Variants in EFHC1 observed in about 807,000 individuals in gnomAD.
EFHC1 encodes EF-hand domain-containing protein 1.
EFHC1 carries 53 observed loss-of-function variants against 69.9 expected under a neutral mutation model. The observed-to-expected ratio is 0.76, with a 90% confidence interval of 0.61 to 0.95. The LOEUF (loss-of-function observed/expected upper bound fraction) is 0.95. Among genes scored for constraint, EFHC1 ranks in the 40% least tolerant of loss-of-function variants. The pLI is 0.00. For synonymous variants in EFHC1, 256 were observed against 278.4 expected (o/e 0.92, Z 0.80); for missense variants, 739 against 798.7 (o/e 0.93, Z 0.90).
At chr6:52,464,725 G>A (rs907383712) in intron 5 of EFHC1, among the ~76,000 whole-genome samples, 170 bp from the exon 6 acceptor site, 4 of 152,190 alleles carry the variant, frequency 2.6e-5, no homozygotes, top group African/African-American at 7.2e-5. Flanking sequence ...TCAACAGATG[G>A]AAATACACAG....
In EFHC1 at chr6:52,421,733, T is replaced by C. The variant is rs1209776582; in HGVS notation, c.63+1260T>C. 2.0e-5 allele frequency among the ~76,000 whole-genome samples: 3 copies of C among 152,260 alleles called. No homozygotes were observed. The South Asian group carries it at 6.2e-4, about 31-fold the overall frequency. ...TATTCTGAATCTCTGTAATTATCCC[T>C]GCATTAAGACACAACATCATAGATT... On this transcript the variant is annotated intron_variant, in intron 1 of 10. Transcript: ENST00000371068.
chr6:52,452,519 T>A (rs915122254), intron 3 of EFHC1, among the ~76,000 whole-genome samples, 169 bp from the exon 4 acceptor site: 2 of 152,158 alleles, frequency 1.3e-5, no homozygotes, highest in Non-Finnish European at 2.9e-5. Context: ...TCAGGCTGAT[T>A]GTGAACTCCT....
At chr6:52,451,216 G>C (rs1405277897) in intron 3 of EFHC1, among the ~76,000 whole-genome samples, 7 of 152,128 alleles carry the variant, frequency 4.6e-5, no homozygotes, top group Non-Finnish European at 7.4e-5. Flanking sequence ...TTGTTTGTGT[G>C]GTTGCTTTAT....
intron 9 of EFHC1, chr6:52,487,402 AG>A (rs1460915475): frequency 6.6e-6 from 1 of 152,076 alleles, no homozygotes; most frequent in Non-Finnish European, 1.5e-5. Flanking sequence ...GCATTTCTCA[AG>A]GTCCTGTTTT....
chr6:52,476,822 A>G (rs1765554768), intron 7 of EFHC1, among the ~76,000 whole-genome samples: 1 of 152,194 alleles, frequency 6.6e-6, no homozygotes, highest in South Asian at 2.1e-4. Context: ...GGGATCCTGG[A>G]TGGGATCCTG....
At chr6:52,443,897 A>C (rs569174826) in intron 3 of EFHC1, among the ~76,000 whole-genome samples, 1 of 152,296 alleles carries the variant, frequency 6.6e-6, no homozygotes, top group African/African-American at 2.4e-5. Context: ...CATTTTCACA[A>C]TATTGATTCT....
At chr6:52,452,382 C>T (rs1764933833) in intron 3 of EFHC1, among the ~76,000 whole-genome samples, 1 of 152,162 alleles carries the variant, frequency 6.6e-6, no homozygotes, top group Non-Finnish European at 1.5e-5. Flanking sequence ...CTCACTGCAG[C>T]CTTGACCTCC....
At position 52,494,776 on chromosome 6, in the gene EFHC1, TAGAAGTA is replaced by T. The variant is rs1766007453; in HGVS notation, c.*2440_*2446del. ...GTGTATTCAATGTTTAGCTCCCACT[TAGAAGTA>T]AGAACATGCAATATTTGGTTTCCTA... is the stretch of plus-strand genomic sequence containing the variant. On this transcript the variant is annotated 3_prime_UTR_variant, in exon 11 of 11. Coordinates refer to ENST00000371068, the MANE Select transcript of EFHC1 (RefSeq NM_018100.4). 3 of 452,048 alleles carry T rather than the reference TAGAAGTA, an allele frequency of 6.6e-6. No individual in the cohort carries two copies. Among genetic ancestry groups the T allele is most frequent in the South Asian group, 4.7e-5 (3 of 64,356 alleles). The allele number at this position is 452,048 out of a possible 1,614,324, so 28.0% of individuals were successfully genotyped here.
chr6:52,459,749 A>G (rs900046177), intron 5 of EFHC1, among the ~76,000 whole-genome samples: 1 of 152,140 alleles, frequency 6.6e-6, no homozygotes, highest in Admixed American at 6.5e-5. Flanking sequence ...GTCTTGGCTC[A>G]CTGCAAGCTC....
At chr6:52,475,005 T>C (rs1387748729) in intron 7 of EFHC1, among the ~76,000 whole-genome samples, 1 of 143,942 alleles carries the variant, frequency 6.9e-6, no homozygotes, top group Non-Finnish European at 1.5e-5. Flanking sequence ...ATTGTTGTTT[T>C]GGGTTTTTTT....
At chr6:52,458,846 A>G (rs1220495115) in intron 5 of EFHC1, among the ~76,000 whole-genome samples, 16 of 152,254 alleles carry the variant, frequency 1.1e-4, no homozygotes, top group African/African-American at 2.4e-5. Context: ...AAGACATGGA[A>G]TCAACCCAGG....
chr6:52,444,307 C>G (rs555656418), intron 3 of EFHC1, among the ~76,000 whole-genome samples: 1 of 152,280 alleles, frequency 6.6e-6, no homozygotes, highest in South Asian at 2.1e-4. Flanking sequence ...TTGCCCTGGC[C>G]AGAACTTCCA....
chr6:52,467,839 A>G (rs1001217124), intron 6 of EFHC1, among the ~76,000 whole-genome samples: 5 of 152,232 alleles, frequency 3.3e-5, no homozygotes, highest in African/African-American at 1.2e-4. Flanking sequence ...TAGAATGCCA[A>G]TTACCAATCA....
At position 52,494,245 on chromosome 6, in the gene EFHC1, G is replaced by A. The variant is rs780064333; in HGVS notation, c.*1904G>A. 2.2e-6 allele frequency: 1 copy of A among 454,014 alleles called. No homozygotes were observed. The highest frequency in any genetic ancestry group is 4.4e-6 in the Non-Finnish European group (1 of 226,804). The allele number at this position is 454,014 out of a possible 1,614,324, so 28.1% of individuals were successfully genotyped here. Reference sequence around the variant, plus strand: ...GACCATTGAAAGTTGGGGACTATCTGTATTTTAGAAGTTTTTTCAGCTTAA... The same window carrying A: ...GACCATTGAAAGTTGGGGACTATCTATATTTTAGAAGTTTTTTCAGCTTAA... On this transcript the variant is annotated 3_prime_UTR_variant, in exon 11 of 11. Coordinates refer to ENST00000371068, the MANE Select transcript of EFHC1 (RefSeq NM_018100.4).
chr6:52,469,100 T>C (rs1014228251), intron 6 of EFHC1: 1 of 537,556 alleles, frequency 1.9e-6, no homozygotes, highest in East Asian at 3.6e-5. Context: ...TCTGTAGCCC[T>C]GAGAGTTACT....
At position 52,479,222 on chromosome 6, in the gene EFHC1, T is replaced by G; in HGVS notation, c.1464T>G (p.Ser488Arg). 1 of 1,614,132 alleles carries G rather than the reference T, an allele frequency of 6.2e-7. No individual in the cohort carries two copies. The highest frequency in any genetic ancestry group is 8.5e-7 in the Non-Finnish European group (1 of 1,179,998). ...TVDNPVYYGPSDFFIGAVIEV... is the reference protein window; with the variant it reads ...TVDNPVYYGPRDFFIGAVIEV... ...ACAACCCTGTCTACTATGGCCCCAGTGACTTCTTCATTGGTGCTGTGATTG... is the reference window on the plus strand; with the variant it reads ...ACAACCCTGTCTACTATGGCCCCAGGGACTTCTTCATTGGTGCTGTGATTG... The change falls in exon 8 of 11, where the codon AGT becomes AGG. Residue 488 changes from serine (S) to arginine (R), a missense_variant. Coordinates refer to ENST00000371068, the MANE Select transcript of EFHC1 (RefSeq NM_018100.4).
intron 3 of EFHC1, among the ~76,000 whole-genome samples, chr6:52,451,103 G>C (rs1478827081): frequency 6.6e-6 from 1 of 152,106 alleles, no homozygotes; most frequent in African/African-American, 2.4e-5. Context: ...CCTGGCCTCT[G>C]TGCCTTTTAA....
intron 7 of EFHC1, 60 bp from the exon 8 acceptor site, chr6:52,478,977 G>T: frequency 6.5e-7 from 1 of 1,537,568 alleles, no homozygotes; most frequent in Non-Finnish European, 8.9e-7. Flanking sequence ...AGGCATTTAA[G>T]TTGGCACATC....
chr6:52,457,408 T>G lies in EFHC1; in HGVS notation c.916+3121T>G, dbSNP rs185613099. 1.9e-3 allele frequency among the ~76,000 whole-genome samples: 293 copies of G among 152,118 alleles called. 3 individuals are homozygous for G. Among genetic ancestry groups the G allele is most frequent in the African/African-American group, 6.9e-3 (286 of 41,498 alleles). ...TAGAAAGAAGAACAAGAGCAAAAGT[T>G]GGGAATTAGGAACAAGTATGGCATG... On this transcript the variant is annotated intron_variant, in intron 5 of 10. Transcript: ENST00000371068.
Sources: gnomAD v4.1 joint callset for allele counts (sites outside exome capture counted in the v4.1 genomes callset) on GRCh38, gnomAD v4.1.1 for gene constraint, MANE v1.5 for transcripts, NCBI Gene and HGNC (gene_info 2026-07-23, HGNC 2026-07-21) for gene names.